The following CCDC73 variants were observed in gnomAD, a reference collection of about 807,000 sequenced individuals.
CCDC73 encodes coiled-coil domain-containing protein 73.
In CCDC73, 95 loss-of-function variants were observed where a neutral mutation model predicts 116.5. The observed-to-expected ratio is 0.82, with a 90% CI of 0.69 to 0.97. The LOEUF (loss-of-function observed/expected upper bound fraction) is 0.97. CCDC73 is among the 50% of genes least tolerant of loss of function. The pLI, the probability that CCDC73 is intolerant of heterozygous loss-of-function variation, is 0.00. For synonymous variants in CCDC73, 398 were observed against 401.3 expected (o/e 0.99, Z 0.10); for missense variants, 1,066 against 1,206.8 (o/e 0.88, Z 1.73).
chr11:32,627,394 CT>C (rs1855585892), intron 14 of CCDC73, among the ~76,000 whole-genome samples: 1 of 152,176 alleles, frequency 6.6e-6, no homozygotes, highest in Non-Finnish European at 1.5e-5. Flanking sequence ...AGTTCAACCA[CT>C]GTGGAAGTCA....
At chr11:32,752,783 C>T (rs991749960) in intron 2 of CCDC73, among the ~76,000 whole-genome samples, 1 of 151,938 alleles carries the variant, frequency 6.6e-6, no homozygotes, top group African/African-American at 2.4e-5. Context: ...TATTGTTTTG[C>T]ATGTTGCAAA....
At chr11:32,664,714 T>C (rs561146754) in intron 9 of CCDC73, among the ~76,000 whole-genome samples, 1 of 152,354 alleles carries the variant, frequency 6.6e-6, no homozygotes, top group East Asian at 1.9e-4. Flanking sequence ...TGCCTTCTGC[T>C]AGCTTTTGAA....
chr11:32,812,871 A>G, the CCDC73 span, among the ~76,000 whole-genome samples: 1 of 152,120 alleles, frequency 6.6e-6, no homozygotes, highest in Non-Finnish European at 1.5e-5. Flanking sequence ...CCAAACTGTA[A>G]CTGAAATTTA....
chr11:32,786,717 T>C (rs1423054905), intron 1 of CCDC73, among the ~76,000 whole-genome samples: 7 of 151,844 alleles, frequency 4.6e-5, no homozygotes, highest in Admixed American at 3.9e-4. Context: ...TTTGGAAGTA[T>C]TTATTAAAAA....
intron 1 of CCDC73, among the ~76,000 whole-genome samples, chr11:32,777,568 G>A (rs1435991514): frequency 3.9e-5 from 6 of 152,010 alleles, no homozygotes; most frequent in East Asian, 3.9e-4. Flanking sequence ...AACCCTAACA[G>A]GGTAAATTAA....
At position 32,602,859 on chromosome 11, in the gene CCDC73, C is replaced by G; in HGVS notation, c.3192G>C (p.Lys1064Asn). 1.2e-6 allele frequency: 2 copies of G among 1,608,802 alleles called. No homozygotes were observed. Among genetic ancestry groups the G allele is most frequent in the Non-Finnish European group, 1.7e-6 (2 of 1,177,542 alleles). ...LLSLENDNQPKKRKAEETLEK... is the reference protein window; with the variant it reads ...LLSLENDNQPNKRKAEETLEK... ...CCAACGTCTCTTCTGCTTTTCTTTTCTTTGGCTGGTTGTCATTTTCTAAAC... is the reference window on the plus strand; with the variant it reads ...CCAACGTCTCTTCTGCTTTTCTTTTGTTTGGCTGGTTGTCATTTTCTAAAC... The change falls in exon 18 of 18, where the codon AAG becomes AAC. Residue 1064 changes from lysine (K) to asparagine (N), a missense_variant. Coordinates refer to ENST00000335185, the MANE Select transcript of CCDC73 (RefSeq NM_001008391.4).
intron 9 of CCDC73, among the ~76,000 whole-genome samples, chr11:32,656,081 T>C (rs1460092843): frequency 8.4e-6 from 1 of 118,878 alleles, no homozygotes; most frequent in African/African-American, 3.4e-5. Context: ...TTTCTTTTCT[T>C]TTCTTTTTTT....
At chr11:32,736,937 C>G (rs945437004) in intron 2 of CCDC73, among the ~76,000 whole-genome samples, 1 of 63,840 alleles carries the variant, frequency 1.6e-5, no homozygotes, top group African/African-American at 5.7e-5. Context: ...CACATGTTCT[C>G]ACATATATAT....
At chr11:32,647,330 G>A (rs1855787606) in intron 12 of CCDC73, among the ~76,000 whole-genome samples, 1 of 152,128 alleles carries the variant, frequency 6.6e-6, no homozygotes, top group Non-Finnish European at 1.5e-5. Context: ...TAAACAACCA[G>A]ATCTCGTGAA....
At chr11:32,604,898 G>A (rs1855326835) in intron 17 of CCDC73, 1 of 152,058 alleles carries the variant, frequency 6.6e-6, no homozygotes, top group South Asian at 2.1e-4. Context: ...TGTCGCCCAG[G>A]CTGGAGTGCA....
intron 12 of CCDC73, among the ~76,000 whole-genome samples, chr11:32,651,714 A>C (rs1045948388): frequency 6.6e-6 from 1 of 152,250 alleles, no homozygotes; most frequent in Non-Finnish European, 1.5e-5. Context: ...GCAGAAGGCC[A>C]TTCTGAGTGT....
chr11:32,813,319 T>C, the CCDC73 span, among the ~76,000 whole-genome samples: 2 of 152,124 alleles, frequency 1.3e-5, no homozygotes, highest in African/African-American at 2.4e-5. Context: ...TCACATGAAG[T>C]CTCTTTTTTT....
rs562826113 is a variant in CCDC73 at position 32,625,823 on chromosome 11, C to T, written c.1186-9694G>A. Among the ~76,000 whole-genome samples the T allele has an allele frequency of 4.9e-3, 742 of 151,972 alleles. 4 individuals carry two copies. Among genetic ancestry groups the T allele is most frequent in the Non-Finnish European group, 8.0e-3 (544 of 67,966 alleles). ...CTCAATAAATTAGGTATTGATGGGA[C>T]GTATCTCAAACTAATAAGAGCTATC... On this transcript the variant is annotated intron_variant, in intron 14 of 17. Transcript: ENST00000335185.
Position 32,687,617 on chromosome 11 carries a change from G to C in CCDC73, c.391-4043C>G, listed in dbSNP as rs201132366. Among the ~76,000 whole-genome samples, 7 of 82,512 alleles carry C rather than the reference G, an allele frequency of 8.5e-5. No homozygotes were observed. In the Admixed American group the frequency reaches 1.1e-3, roughly 13 times the overall value. 54.1% of individuals were successfully genotyped at this position (82,512 alleles called of 152,430 possible). A position where few individuals can be genotyped will look rare whatever the true frequency, so the allele number is the denominator to read the frequency against. On this transcript the variant is annotated intron_variant, in intron 6 of 17. Transcript: ENST00000335185. ...TAATGGTTTTCAATATACATACATA[G>C]ATTGATATAAAAATACATATAACTG...
intron 3 of CCDC73, among the ~76,000 whole-genome samples, chr11:32,712,037 T>C (rs1335126272): frequency 1.3e-5 from 2 of 152,196 alleles, no homozygotes; most frequent in Non-Finnish European, 2.9e-5. Context: ...TGATACCTCA[T>C]GCTGCGCAAT....
At position 32,647,379 on chromosome 11, in the gene CCDC73, A is replaced by G. The variant is rs933855144; in HGVS notation, c.940-5297T>C. Among the ~76,000 whole-genome samples the G allele has an allele frequency of 2.6e-5, 4 of 152,290 alleles. No homozygotes were observed. In the East Asian group the frequency reaches 5.8e-4, roughly 22 times the overall value. ...ACTATCTTGAGGACAGCACCAAGCC[A>G]TAAGGAATCTGCCCCCGTGACGCAC... On this transcript the variant is annotated intron_variant, in intron 12 of 17. Transcript: ENST00000335185.
At chr11:32,625,308 T>G (rs142332216) in intron 14 of CCDC73, among the ~76,000 whole-genome samples, 1 of 152,326 alleles carries the variant, frequency 6.6e-6, no homozygotes, top group African/African-American at 2.4e-5. Context: ...ATGTGTGAAG[T>G]TGATCCTGTC....
chr11:32,721,935 C>G (rs1849993684), intron 2 of CCDC73, among the ~76,000 whole-genome samples: 1 of 152,128 alleles, frequency 6.6e-6, no homozygotes, highest in Non-Finnish European at 1.5e-5. Context: ...ATTATACATA[C>G]ATACACATAT....
intron 2 of CCDC73, among the ~76,000 whole-genome samples, chr11:32,759,265 A>G (rs1479685005): frequency 6.6e-6 from 1 of 151,860 alleles, no homozygotes; most frequent in Non-Finnish European, 1.5e-5. Context: ...AGTCTCAGAA[A>G]TAAAATGCTT....
Sources: gnomAD v4.1 joint callset for allele counts (sites outside exome capture counted in the v4.1 genomes callset) on GRCh38, gnomAD v4.1.1 for gene constraint, MANE v1.5 for transcripts, NCBI Gene and HGNC (gene_info 2026-07-23, HGNC 2026-07-21) for gene names.